ALDH3A1: variants seen among roughly 807,000 people sequenced by gnomAD.
ALDH3A1 encodes aldehyde dehydrogenase, dimeric NADP-preferring.
A neutral mutation model predicts 49.9 loss-of-function variants in ALDH3A1; 46 were observed. The observed-to-expected ratio is 0.92, with a 90% confidence interval of 0.73 to 1.18. The LOEUF is 1.18. ALDH3A1 is among the 50% of genes most tolerant of loss of function. ALDH3A1 has a pLI of 0.00. For synonymous variants in ALDH3A1, 269 were observed against 253.3 expected, an observed-to-expected ratio of 1.06 and a Z score of -0.59; for missense variants, 592 against 611.8, an observed-to-expected ratio of 0.97 and a Z score of 0.34.
intron 9 of ALDH3A1, chr17:19,738,686 C>T (rs2086433432): frequency 1.5e-6 from 1 of 649,070 alleles, no homozygotes; most frequent in African/African-American, 1.8e-5. Flanking sequence ...CCAGGGCATC[C>T]ACACTGTGGG....
At position 19,744,911 on chromosome 17, in the gene ALDH3A1, C is replaced by CCACCCCCCCT; in HGVS notation, c.162+56_162+57insAGGGGGGGTG. ...GTCGCACTCTCCCCAGCCCCTCCCC[C>CCACCCCCCCT]CACGCCCCATCGCATGGCCCCGACA... On this transcript the variant is annotated intron_variant, in intron 2 of 10. Coordinates refer to ENST00000225740, the MANE Select transcript of ALDH3A1 (RefSeq NM_000691.5). 9.0e-6 allele frequency: 10 copies of CCACCCCCCCT among 1,112,688 alleles called. No individual in the cohort carries two copies. The South Asian group carries it at 1.3e-4, about 14-fold the overall frequency. 68.9% of individuals were successfully genotyped at this position (1,112,688 alleles called of 1,614,324 possible).
At chr17:19,742,934 TG>T in intron 3 of ALDH3A1, 1 of 1,524,514 alleles carries the variant, frequency 6.6e-7, no homozygotes. Flanking sequence ...AGAACAGCGC[TG>T]GCCCATTCTA....
In ALDH3A1 at chr17:19,741,391, C is replaced by A. The variant is rs1017433444; in HGVS notation, c.690-181G>T. The A allele has an allele frequency of 3.3e-5, 18 of 552,438 alleles. No individual in the cohort carries two copies. The East Asian group carries it at 3.6e-4, about 11-fold the overall frequency. The allele number at this position is 552,438 out of a possible 1,614,324, so 34.2% of individuals were successfully genotyped here. The stretch of plus-strand genomic sequence containing the variant: ...ACCGAGCAGACCCAATGGCCCTGAT[C>A]ATGTTCACCGGCGACTGGTGGGGAA... On this transcript the variant is annotated intron_variant, in intron 5 of 10. Coordinates refer to ENST00000225740, the MANE Select transcript of ALDH3A1 (RefSeq NM_000691.5).
At chr17:19,744,338 G>A (rs529355438) in intron 2 of ALDH3A1, 2 of 860,778 alleles carry the variant, frequency 2.3e-6, no homozygotes, top group Non-Finnish European at 2.8e-6. Flanking sequence ...GGGAGGCGGA[G>A]GTTGCAGTGA....
At position 19,743,390 on chromosome 17, in the gene ALDH3A1, G is replaced by C. The variant is rs147115158; in HGVS notation, c.236C>G (p.Pro79Arg). 1.2e-6 allele frequency: 2 copies of C among 1,614,136 alleles called. No individual in the cohort carries two copies. The highest frequency in any genetic ancestry group is 2.2e-5 in the East Asian group (1 of 44,872). The change falls in exon 3 of 11, where the codon CCT becomes CGT. Residue 79 changes from proline (P) to arginine (R), a missense_variant. Transcript: ENST00000225740. This position sits in a 1 kb window ranked among gnomAD's most constrained non-coding sequence, Gnocchi z 4.4. ...CACGGGCTCATCCGCGGCCCACTCA[G>C]GGAGCTTCTGGATCATGTACTCGAT... is the stretch of plus-strand genomic sequence containing the variant. ...EEIEYMIQKL[P>R]EWAADEPVEK...
At position 19,743,047 on chromosome 17, in the gene ALDH3A1, G is replaced by A. The variant is rs1424302000; in HGVS notation, c.394+185C>T. On this transcript the variant is annotated intron_variant, in intron 3 of 10. Coordinates refer to ENST00000225740, the MANE Select transcript of ALDH3A1 (RefSeq NM_000691.5). The surrounding 1 kb of genome is among the most constrained non-coding windows in gnomAD (Gnocchi z 4.4). ...TGTATCACCAGGTGTGGACACCTGA[G>A]CCTGACTGGACCTCAGGCACCAAGA... 7 of 1,533,172 alleles carry A rather than the reference G, an allele frequency of 4.6e-6. No individual in the cohort carries two copies. Among genetic ancestry groups the A allele is most frequent in the Non-Finnish European group, 6.1e-6 (7 of 1,145,820 alleles). The allele number at this position is 1,533,172 out of a possible 1,614,324, so 95.0% of individuals were successfully genotyped here. A position where few individuals can be genotyped will look rare whatever the true frequency, so the allele number is the denominator to read the frequency against.
In ALDH3A1 at chr17:19,748,135, T is replaced by C. The variant is rs1056731474; in HGVS notation, c.-6+124A>G. ...GTCCAGGAGGATGCTCCAGAGATGATGGTCCCAGAGGCAGGGACCCCCTGG... is the reference window on the plus strand; with the variant it reads ...GTCCAGGAGGATGCTCCAGAGATGACGGTCCCAGAGGCAGGGACCCCCTGG... On this transcript the variant is annotated intron_variant, in intron 1 of 10. Transcript: ENST00000225740. This position sits in a 1 kb window ranked among gnomAD's most constrained non-coding sequence, Gnocchi z 4.4. 6 of 322,674 alleles carry C rather than the reference T, an allele frequency of 1.9e-5. No individual in the cohort carries two copies. The highest frequency in any genetic ancestry group is 2.5e-5 in the South Asian group (1 of 39,726). The allele number at this position is 322,674 out of a possible 1,614,324, so 20.0% of individuals were successfully genotyped here.
intron 2 of ALDH3A1, 69 bp downstream of exon 2, chr17:19,744,899 C>CGG: frequency 1.2e-6 from 1 of 806,892 alleles, no homozygotes; most frequent in Non-Finnish European, 1.6e-6. Flanking sequence ...GCACTCTCCC[C>CGG]AGCCCCTCCC....
Position 19,743,334 on chromosome 17 carries a change from G to C in ALDH3A1, c.292C>G (p.Leu98Val). 6.2e-7 allele frequency: 1 copy of C among 1,614,080 alleles called. No homozygotes were observed. The part of the protein sequence containing the change: ...EKTPQTQQDE[L>V]YIHSEPLGVV... The stretch of plus-strand genomic sequence containing the variant: ...CCCAGTGGCTCCGAGTGGATGTAGA[G>C]CTCGTCCTGCTGAGTCTGGGGCGTC... The change falls in exon 3 of 11, where the codon CTC (leucine) becomes GTC (valine). Residue 98 changes from leucine (L) to valine (V), a missense_variant. By Grantham distance (32) the Leu-to-Val change is conservative (BLOSUM62 1). Transcript: ENST00000225740. This position sits in a 1 kb window ranked among gnomAD's most constrained non-coding sequence, Gnocchi z 4.4.
intron 2 of ALDH3A1, chr17:19,744,706 C>A (rs903171558): frequency 1.5e-6 from 2 of 1,344,180 alleles, no homozygotes; most frequent in South Asian, 1.7e-5. Context: ...GGTGTCGGGG[C>A]AGCAGGAAGT....
chr17:19,739,679 G>C lies in ALDH3A1; in HGVS notation c.950-5C>G, dbSNP rs1375913400. ...CGTCCGTGAGGATGGTGGGGGCTGA[G>C]GCAGGAAACAAGCCAGAGTTGGACG... is the stretch of plus-strand genomic sequence containing the variant. On this transcript the variant is annotated splice_region_variant and splice_polypyrimidine_tract_variant and intron_variant, in intron 7 of 10. Coordinates refer to ENST00000225740, the MANE Select transcript of ALDH3A1 (RefSeq NM_000691.5). The C allele has an allele frequency of 8.1e-6, 13 of 1,613,296 alleles. No homozygotes were observed. In the East Asian group the frequency reaches 2.7e-4, roughly 33 times the overall value.
chr17:19,744,007 G>A (rs1597673792), intron 2 of ALDH3A1: 1 of 985,368 alleles, frequency 1.0e-6, no homozygotes, highest in South Asian at 4.7e-5. Context: ...TTATAAACTT[G>A]GGCTGTGAAG....
intron 1 of ALDH3A1, among the ~76,000 whole-genome samples, chr17:19,747,267 A>G (rs1021320633): frequency 1.6e-4 from 25 of 152,184 alleles, no homozygotes; most frequent in African/African-American, 5.8e-4. Context: ...CTTTCTGCAC[A>G]GGGAGGAGGG....
At position 19,739,032 on chromosome 17, in the gene ALDH3A1, G is replaced by A; in HGVS notation, c.1180C>T (p.His394Tyr). Residue 394 changes from histidine (H) to tyrosine (Y), a missense_variant, in exon 9 of 11, where the codon CAC (histidine) becomes TAC (tyrosine). Physicochemically the swap from His to Tyr is moderately conservative, Grantham distance 83. Coordinates refer to ENST00000225740, the MANE Select transcript of ALDH3A1 (RefSeq NM_000691.5). ...AAGGGCAGAGAGTGCAAGGTGATGTGGACGATGACATCGTTGGCCGCCACC... is the reference window on the plus strand; with the variant it reads ...AAGGGCAGAGAGTGCAAGGTGATGTAGACGATGACATCGTTGGCCGCCACC... Reference protein sequence around the residue: ...GGVAANDVIVHITLHSLPFGG... With the variant: ...GGVAANDVIVYITLHSLPFGG... 6.2e-7 allele frequency: 1 copy of A among 1,613,906 alleles called. No individual in the cohort carries two copies. The highest frequency in any genetic ancestry group is 8.5e-7 in the Non-Finnish European group (1 of 1,179,988).
At position 19,739,570 on chromosome 17, in the gene ALDH3A1, T is replaced by C; in HGVS notation, c.1054A>G (p.Ile352Val). 6.2e-7 allele frequency: 1 copy of C among 1,613,720 alleles called. No individual in the cohort carries two copies. Among genetic ancestry groups the C allele is most frequent in the Non-Finnish European group, 8.5e-7 (1 of 1,179,918 alleles). ...IVCVRSLEEA[I>V]QFINQREKPL... ...TTCTCACGCTGGTTGATGAACTGGA[T>C]GGCCTCCTCCAGGCTGCGCACGCAC... The change falls in exon 8 of 11, where the codon ATC (isoleucine) becomes GTC (valine). Residue 352 changes from isoleucine (I) to valine (V), a missense_variant. By Grantham distance (29) the Ile-to-Val change is conservative (BLOSUM62 3). Transcript: ENST00000225740.
At chr17:19,744,139 T>C (rs1465069227) in intron 2 of ALDH3A1, 1 of 984,782 alleles carries the variant, frequency 1.0e-6, no homozygotes, top group Non-Finnish European at 1.2e-6. Context: ...GGCTCATGCC[T>C]GTAATCCCAG....
At chr17:19,739,821 C>T in intron 7 of ALDH3A1, 147 bp from the exon 8 acceptor site, 1 of 994,332 alleles carries the variant, frequency 1.0e-6, no homozygotes, top group South Asian at 1.7e-5. Context: ...CAGAGAGGTA[C>T]CCTAGGCACC....
Position 19,745,092 on chromosome 17 carries a change from G to A in ALDH3A1, c.38C>T (p.Ala13Val). 6.3e-7 allele frequency: 1 copy of A among 1,590,316 alleles called. No individual in the cohort carries two copies. The highest frequency in any genetic ancestry group is 8.5e-7 in the Non-Finnish European group (1 of 1,174,416). ...ACGGGTCCTGCCCGAGCTGAAGGCG[G>A]CGCGGGCGCGCTTCACGGCCTCGCT... The part of the protein sequence containing the change: ...KISEAVKRAR[A>V]AFSSGRTRPL... The change falls in exon 2 of 11, where the codon GCC becomes GTC. Residue 13 changes from alanine (A) to valine (V), a missense_variant. Transcript: ENST00000225740.
At chr17:19,746,802 T>C (rs1022118527) in intron 1 of ALDH3A1, among the ~76,000 whole-genome samples, 1 of 152,198 alleles carries the variant, frequency 6.6e-6, no homozygotes, top group African/African-American at 2.4e-5. Flanking sequence ...CCCGACACGA[T>C]GAGACAACTG....
Sources: gnomAD v4.1 joint callset for allele counts (sites outside exome capture counted in the v4.1 genomes callset) on GRCh38, gnomAD v4.1.1 for gene constraint, Gnocchi (gnomAD v3.1) non-coding constraint, MANE v1.5 for transcripts, NCBI Gene and HGNC (gene_info 2026-07-23, HGNC 2026-07-21) for gene names.